CATSPERT: variants seen among roughly 807,000 people sequenced by gnomAD.
CATSPERT encodes catsper channel auxiliary subunit tau.
the CATSPERT span, chr2:201,536,199 T>C: frequency 2.5e-6 from 4 of 1,613,054 alleles, no homozygotes; most frequent in Non-Finnish European, 2.5e-6. Flanking sequence ...GCACAATGAG[T>C]GCACTTCTGT....
At chr2:201,544,482 A>C in the CATSPERT span, among the ~76,000 whole-genome samples, 1 of 151,928 alleles carries the variant, frequency 6.6e-6, no homozygotes. Context: ...CTTTATGATA[A>C]ATTCTCAAAT....
the CATSPERT span, among the ~76,000 whole-genome samples, chr2:201,614,224 C>T: frequency 3.9e-5 from 6 of 152,278 alleles, no homozygotes; most frequent in African/African-American, 1.4e-4. Context: ...CAAAGATACT[C>T]CTCGAGAAGA....
the CATSPERT span, among the ~76,000 whole-genome samples, chr2:201,522,392 A>C: frequency 6.6e-6 from 1 of 152,120 alleles, no homozygotes; most frequent in East Asian, 1.9e-4. Flanking sequence ...AGCTTCCCTC[A>C]CCAAGATAAG....
At chr2:201,615,740 A>G in the CATSPERT span, among the ~76,000 whole-genome samples, 1 of 152,314 alleles carries the variant, frequency 6.6e-6, no homozygotes, top group African/African-American at 2.4e-5. Flanking sequence ...GACACAAAAA[A>G]ACCTTCAAAA....
the CATSPERT span, among the ~76,000 whole-genome samples, chr2:201,540,415 A>G: frequency 1.3e-5 from 2 of 152,192 alleles, no homozygotes; most frequent in African/African-American, 2.4e-5. Flanking sequence ...GGACAGGCCA[A>G]CTCTCTTGTT....
At chr2:201,528,239 A>G in the CATSPERT span, among the ~76,000 whole-genome samples, 3 of 152,176 alleles carry the variant, frequency 2.0e-5, no homozygotes, top group African/African-American at 4.8e-5. Flanking sequence ...CAGAATGGCT[A>G]TTATTAAAAA....
chr2:201,615,401 C>T, the CATSPERT span, among the ~76,000 whole-genome samples: 1 of 152,190 alleles, frequency 6.6e-6, no homozygotes, highest in African/African-American at 2.4e-5. Flanking sequence ...GATTAAGAAA[C>T]TCTCTCAAAA....
At chr2:201,513,999 A>C in the CATSPERT span, among the ~76,000 whole-genome samples, 2 of 152,260 alleles carry the variant, frequency 1.3e-5, no homozygotes, top group Admixed American at 1.3e-4. Flanking sequence ...TTTGAACTGA[A>C]TGAAAATAAA....
the CATSPERT span, among the ~76,000 whole-genome samples, chr2:201,526,517 C>CA: frequency 6.6e-6 from 1 of 152,040 alleles, no homozygotes; most frequent in Non-Finnish European, 1.5e-5. Flanking sequence ...GACTCCATCT[C>CA]AAAAAACAAA....
chr2:201,605,723 A>G, the CATSPERT span, among the ~76,000 whole-genome samples: 1 of 152,178 alleles, frequency 6.6e-6, no homozygotes, highest in Admixed American at 6.5e-5. Context: ...TAACCACAAA[A>G]CAGAAGTAAA....
At chr2:201,613,759 C>T in the CATSPERT span, among the ~76,000 whole-genome samples, 5 of 152,108 alleles carry the variant, frequency 3.3e-5, no homozygotes, top group Non-Finnish European at 7.4e-5. Flanking sequence ...ACAAACTTCT[C>T]CGAGCTAAAG....
the CATSPERT span, chr2:201,618,851 C>T: frequency 1.9e-6 from 3 of 1,582,290 alleles, no homozygotes; most frequent in South Asian, 3.4e-5. Flanking sequence ...CTCCAGGTGC[C>T]CTGCTGGCCC....
At chr2:201,514,000 T>A in the CATSPERT span, among the ~76,000 whole-genome samples, 1 of 152,130 alleles carries the variant, frequency 6.6e-6, no homozygotes, top group Non-Finnish European at 1.5e-5. Flanking sequence ...TTGAACTGAA[T>A]GAAAATAAAA....
the CATSPERT span, among the ~76,000 whole-genome samples, chr2:201,617,886 A>G: frequency 6.6e-6 from 1 of 152,222 alleles, no homozygotes. Flanking sequence ...ACCCCATCAA[A>G]AAGTGGGCAA....
the CATSPERT span, among the ~76,000 whole-genome samples, chr2:201,541,531 T>TTATATATATATATA: frequency 4.2e-4 from 39 of 92,726 alleles, no homozygotes; most frequent in Non-Finnish European, 5.6e-4. Flanking sequence ...TCAGATGATT[T>TTATATATATATATA]TATATATATA....
At chr2:201,507,131 CAA>C in the CATSPERT span, among the ~76,000 whole-genome samples, 1 of 152,092 alleles carries the variant, frequency 6.6e-6, no homozygotes, top group Non-Finnish European at 1.5e-5. Flanking sequence ...TAAAAAAATT[CAA>C]GAGAACTGAA....
At chr2:201,618,839 C>CCCTCCAGGTGCCCTGCTGGCCCCGGT in the CATSPERT span, 1 of 1,528,746 alleles carries the variant, frequency 6.5e-7, no homozygotes, top group South Asian at 1.2e-5. Flanking sequence ...CCTTTCACCA[C>CCCTCCAGGTGCCCTGCTGGCCCCGGT]CCTCCAGGTG....
At chr2:201,492,829 G>A in the CATSPERT span, 1 of 1,536,510 alleles carries the variant, frequency 6.5e-7, no homozygotes, top group Admixed American at 2.0e-5. Flanking sequence ...GTCCTCCTTG[G>A]TGATATGTCC....
the CATSPERT span, chr2:201,581,975 C>A: frequency 8.3e-7 from 1 of 1,203,150 alleles, no homozygotes. Context: ...ATTTCTTAAA[C>A]ACATGAATTT....
Sources: allele counts gnomAD v4.1 joint callset (sites outside exome capture counted in the v4.1 genomes callset), GRCh38; gene constraint gnomAD v4.1.1; transcripts MANE v1.5; gene names NCBI Gene and HGNC (gene_info 2026-07-23, HGNC 2026-07-21).